PTPRA: variants seen among roughly 807,000 people sequenced by gnomAD.
The protein encoded by PTPRA is receptor-type tyrosine-protein phosphatase alpha.
A neutral mutation model predicts 104.8 loss-of-function variants in PTPRA; 25 were observed. That is an observed-to-expected ratio of 0.24 (90% confidence interval 0.17 to 0.33). The LOEUF is 0.33. Among genes scored for constraint, PTPRA ranks in the 10% least tolerant of loss-of-function variants. PTPRA has a pLI of 1.00. For missense variants in PTPRA, 765 were observed against 1,015.3 expected (o/e 0.75, Z 3.35); for synonymous variants, 323 against 368.9 (o/e 0.88, Z 1.43).
chr20:2,909,412 G>A (rs916136669), intron 1 of PTPRA, among the ~76,000 whole-genome samples: 1 of 151,994 alleles, frequency 6.6e-6, no homozygotes, highest in African/African-American at 2.4e-5. Flanking sequence ...GCGAAACCAC[G>A]TCTCTACTAA....
intron 5 of PTPRA, among the ~76,000 whole-genome samples, chr20:2,965,558 G>A (rs1052644288): frequency 6.6e-6 from 1 of 152,100 alleles, no homozygotes; most frequent in Non-Finnish European, 1.5e-5. Context: ...TTTGGAAAGG[G>A]AGGGATCCGT....
intron 9 of PTPRA, among the ~76,000 whole-genome samples, chr20:2,989,603 G>A (rs1294360465): frequency 6.6e-6 from 1 of 152,212 alleles, no homozygotes; most frequent in Non-Finnish European, 1.5e-5. Context: ...AGGGCTGTGT[G>A]CAGCTGAAGA....
intron 2 of PTPRA, among the ~76,000 whole-genome samples, chr20:2,924,272 C>T (rs1600119078): frequency 6.6e-6 from 1 of 151,928 alleles, no homozygotes; most frequent in Non-Finnish European, 1.5e-5. Flanking sequence ...TGTGGTGGCT[C>T]ACGCCTGTAA....
chr20:2,880,375 G>A (rs1464854046), intron 1 of PTPRA, among the ~76,000 whole-genome samples: 2 of 152,156 alleles, frequency 1.3e-5, no homozygotes, highest in Non-Finnish European at 2.9e-5. Flanking sequence ...TAGAACTTTG[G>A]GTGTCCTGAA....
At chr20:2,951,263 A>G (rs1378673342) in intron 3 of PTPRA, among the ~76,000 whole-genome samples, 1 of 151,954 alleles carries the variant, frequency 6.6e-6, no homozygotes, top group Non-Finnish European at 1.5e-5. Context: ...CACCACGCCC[A>G]GCTAGTTTTT....
intron 2 of PTPRA, among the ~76,000 whole-genome samples, chr20:2,933,704 TGCCTCCCTCA>T (rs2060590206): frequency 6.6e-6 from 1 of 152,056 alleles, no homozygotes; most frequent in Admixed American, 6.6e-5. Context: ...TCAAGTGATT[TGCCTCCCTCA>T]GCCTCCCAAA....
chr20:2,949,647 ATAG>A (rs1304587328), intron 3 of PTPRA, among the ~76,000 whole-genome samples: 1 of 151,560 alleles, frequency 6.6e-6, no homozygotes, highest in African/African-American at 2.4e-5. Flanking sequence ...AATAGAAGTG[ATAG>A]TAGATTACTT....
At chr20:3,006,408 G>T (rs1417285382) in intron 10 of PTPRA, among the ~76,000 whole-genome samples, 3 of 151,994 alleles carry the variant, frequency 2.0e-5, no homozygotes, top group Non-Finnish European at 4.4e-5. Flanking sequence ...CAAACTCTTG[G>T]CCTCAAGCAG....
intron 1 of PTPRA, among the ~76,000 whole-genome samples, chr20:2,902,550 A>G (rs1266495479): frequency 6.6e-6 from 1 of 152,158 alleles, no homozygotes; most frequent in South Asian, 2.1e-4. Flanking sequence ...TTAATAACAC[A>G]TATTGGAAAG....
intron 20 of PTPRA, among the ~76,000 whole-genome samples, chr20:3,033,439 T>A (rs972712944): frequency 5.9e-5 from 9 of 151,974 alleles, no homozygotes; most frequent in African/African-American, 1.7e-4. Flanking sequence ...CAAGCCCTCG[T>A]CTCTCACTGC....
At chr20:2,925,542 G>C (rs867567882) in intron 2 of PTPRA, among the ~76,000 whole-genome samples, 83 of 152,280 alleles carry the variant, frequency 5.5e-4, no homozygotes, top group African/African-American at 1.9e-3. Flanking sequence ...GGCTGAGTGT[G>C]GTGGCTCACG....
intron 11 of PTPRA, among the ~76,000 whole-genome samples, chr20:3,011,649 T>A (rs1051244028): frequency 7.9e-5 from 12 of 152,208 alleles, no homozygotes; most frequent in African/African-American, 2.4e-4. Context: ...AGATGGGAAG[T>A]GGTGGGAAAT....
chr20:2,970,239 T>G (rs910846136), intron 5 of PTPRA, among the ~76,000 whole-genome samples: 2 of 152,196 alleles, frequency 1.3e-5, no homozygotes, highest in African/African-American at 4.8e-5. Context: ...CAGACACATA[T>G]GAGAATATTA....
At chr20:3,018,925 C>T (rs1170004109) in intron 13 of PTPRA, among the ~76,000 whole-genome samples, 3 of 125,020 alleles carry the variant, frequency 2.4e-5, no homozygotes, top group African/African-American at 6.3e-5. Flanking sequence ...CCAGTAGGGG[C>T]GGCCGGGCAG....
At position 2,988,427 on chromosome 20, in the gene PTPRA, A is replaced by T; in HGVS notation, c.691A>T (p.Asn231Tyr). ...LPVDKLEEEI[N>Y]RRMADDNKLF... ...CGTGGACAAGCTGGAAGAGGAAATT[A>T]ACCGGAGAATGGCAGACGACAATAA... Residue 231 changes from asparagine to tyrosine, a missense_variant, in exon 9 of 24, where the codon AAC (asparagine) becomes TAC (tyrosine). Coordinates refer to ENST00000399903, the MANE Select transcript of PTPRA (RefSeq NM_001385305.1). The T allele has an allele frequency of 6.2e-7, 1 of 1,613,030 alleles. No homozygotes were observed. Among genetic ancestry groups the T allele is most frequent in the Non-Finnish European group, 8.5e-7 (1 of 1,179,816 alleles).
Position 3,035,537 on chromosome 20 carries a change from A to T in PTPRA, c.1921-48A>T. The T allele has an allele frequency of 6.4e-7, 1 of 1,564,630 alleles. No individual in the cohort carries two copies. The highest frequency in any genetic ancestry group is 8.8e-7 in the Non-Finnish European group (1 of 1,137,788). On this transcript the variant is annotated intron_variant, in intron 20 of 23. Transcript: ENST00000399903. The surrounding 1 kb of genome is among the most constrained non-coding windows in gnomAD (Gnocchi z 5.8). ...GCTGCTCGTGGGCAGTGCTGCTTCT[A>T]CACATGTGGTACTCTGAGCTCCTCA...
Position 2,965,155 on chromosome 20 carries a change from G to A in PTPRA, c.368G>A (p.Gly123Glu), listed in dbSNP as rs1258952138. 6.2e-7 allele frequency: 1 copy of A among 1,614,122 alleles called. No homozygotes were observed. The highest frequency in any genetic ancestry group is 8.5e-7 in the Non-Finnish European group (1 of 1,180,016). Reference sequence around the variant, plus strand: ...GATGCCAGAACAGAACCCTGGGAGGGGAATTCCAGCACCGCAGCAACCACT... The same window carrying A: ...GATGCCAGAACAGAACCCTGGGAGGAGAATTCCAGCACCGCAGCAACCACT... Reference protein sequence around the residue: ...FTDARTEPWEGNSSTAATTPE... With the variant: ...FTDARTEPWEENSSTAATTPE... Residue 123 changes from glycine to glutamate, a missense_variant, in exon 5 of 24, where the codon GGG becomes GAG. Gly to Glu is a moderately conservative substitution (Grantham distance 98). Coordinates refer to ENST00000399903, the MANE Select transcript of PTPRA (RefSeq NM_001385305.1).
Position 3,021,428 on chromosome 20 carries a change from G to A in PTPRA, c.1161G>A (p.Gln387=). 1 of 1,614,002 alleles carries A rather than the reference G, an allele frequency of 6.2e-7. No homozygotes were observed. Among genetic ancestry groups the A allele is most frequent in the Non-Finnish European group, 8.5e-7 (1 of 1,179,908 alleles). ...DYTVRKFCIQ[Q]VGDMTNRKPQ... ...CAGTACGGAAGTTCTGCATCCAGCA[G>A]GTAGTGTCTCCTCTGTCCTTTCTCA... The change falls in exon 14 of 24, where the codon CAG becomes CAA. Residue 387 remains glutamine (Q), a splice_region_variant and synonymous_variant. Transcript: ENST00000399903.
intron 1 of PTPRA, among the ~76,000 whole-genome samples, chr20:2,917,239 T>C (rs2059937489): frequency 6.6e-6 from 1 of 152,066 alleles, no homozygotes; most frequent in Non-Finnish European, 1.5e-5. Context: ...ATTACAGACA[T>C]GAAAGCTTTT....
Sources: allele counts gnomAD v4.1 joint callset (sites outside exome capture counted in the v4.1 genomes callset), GRCh38; gene constraint gnomAD v4.1.1; non-coding constraint Gnocchi (gnomAD v3.1); transcripts MANE v1.5; gene names NCBI Gene and HGNC (gene_info 2026-07-23, HGNC 2026-07-21).